Variants in PTPRM observed in about 807,000 individuals in gnomAD.
The protein encoded by PTPRM is protein tyrosine phosphatase receptor type M, also known as receptor-type tyrosine-protein phosphatase mu.
A neutral mutation model predicts 186.7 loss-of-function variants in PTPRM; 47 were observed. The observed-to-expected ratio is 0.25, with a 90% confidence interval of 0.20 to 0.32. PTPRM has a LOEUF of 0.32. Among genes scored for constraint, PTPRM ranks in the 10% least tolerant of loss-of-function variants. The pLI, the probability that PTPRM is intolerant of heterozygous loss-of-function variation, is 1.00. For synonymous variants in PTPRM, 668 were observed against 674.9 expected (o/e 0.99, Z 0.16); for missense variants, 1,494 against 1,865.0 (o/e 0.80, Z 3.66).
chr18:8,285,837 C>G (rs1601633307), intron 19 of PTPRM, among the ~76,000 whole-genome samples: 1 of 152,048 alleles, frequency 6.6e-6, no homozygotes, highest in Non-Finnish European at 1.5e-5. Context: ...ATAAAAAATA[C>G]AAAAATTAGC....
At chr18:7,884,521 T>A (rs1488539713) in intron 2 of PTPRM, among the ~76,000 whole-genome samples, 1 of 152,158 alleles carries the variant, frequency 6.6e-6, no homozygotes, top group Non-Finnish European at 1.5e-5. Flanking sequence ...CCCAAGGACC[T>A]GAACCCCTGC....
At chr18:8,311,534 C>G in intron 20 of PTPRM, among the ~76,000 whole-genome samples, 1 of 152,016 alleles carries the variant, frequency 6.6e-6, no homozygotes, top group East Asian at 1.9e-4. Flanking sequence ...GAAAGGTACT[C>G]TTAGGGATGT....
chr18:7,774,083 A>G (rs1235923918), intron 1 of PTPRM, 66 bp from the exon 2 acceptor site: 20 of 1,489,214 alleles, frequency 1.3e-5, no homozygotes, highest in Non-Finnish European at 1.8e-5. Flanking sequence ...GCTTCCTGCA[A>G]TCATCATAGC....
chr18:7,868,617 A>G (rs957194002), intron 2 of PTPRM, among the ~76,000 whole-genome samples: 1 of 152,036 alleles, frequency 6.6e-6, no homozygotes, highest in African/African-American at 2.4e-5. Context: ...GAGCTCTCCT[A>G]TGTGAGGTGT....
chr18:8,297,324 GT>G (rs1332785024), intron 20 of PTPRM, among the ~76,000 whole-genome samples: 1 of 152,212 alleles, frequency 6.6e-6, no homozygotes, highest in African/African-American at 2.4e-5. Flanking sequence ...AACTTGGGAG[GT>G]TTGGTTATTC....
At chr18:8,367,363 G>T (rs1369356861) in intron 23 of PTPRM, among the ~76,000 whole-genome samples, 1 of 152,252 alleles carries the variant, frequency 6.6e-6, no homozygotes, top group Non-Finnish European at 1.5e-5. Context: ...ACGCATTCTA[G>T]AAGGAAGCGG....
At chr18:7,748,030 T>C (rs1243197079) in intron 1 of PTPRM, among the ~76,000 whole-genome samples, 3 of 152,206 alleles carry the variant, frequency 2.0e-5, no homozygotes, top group Non-Finnish European at 2.9e-5. Flanking sequence ...ACTGCCTTCT[T>C]CTACAGGAAG....
intron 1 of PTPRM, among the ~76,000 whole-genome samples, chr18:7,700,993 A>AAAAAAAAAAAAAAAAAAAG (rs10653685): frequency 1.7e-4 from 18 of 107,310 alleles, no homozygotes; most frequent in East Asian, 1.3e-3. Context: ...AAAAAAAAAA[A>AAAAAAAAAAAAAAAAAAAG]AAAGAAAGAA....
chr18:8,056,287 G>A (rs2087930196), intron 7 of PTPRM, among the ~76,000 whole-genome samples: 1 of 152,140 alleles, frequency 6.6e-6, no homozygotes, highest in Non-Finnish European at 1.5e-5. Context: ...TCTATGTATT[G>A]TAAATCTCTA....
intron 23 of PTPRM, among the ~76,000 whole-genome samples, chr18:8,364,227 T>TA (rs2095613962): frequency 6.6e-6 from 1 of 152,164 alleles, no homozygotes; most frequent in South Asian, 2.1e-4. Flanking sequence ...ATATATACTT[T>TA]AAAAAATCTC....
At chr18:8,304,864 T>A (rs1048903072) in intron 20 of PTPRM, among the ~76,000 whole-genome samples, 2 of 151,636 alleles carry the variant, frequency 1.3e-5, no homozygotes, top group Admixed American at 1.3e-4. Flanking sequence ...TGAGAATAGA[T>A]GTGTTATTCT....
intron 11 of PTPRM, among the ~76,000 whole-genome samples, chr18:8,096,723 G>A (rs1344628371): frequency 6.6e-6 from 1 of 152,304 alleles, no homozygotes; most frequent in Non-Finnish European, 1.5e-5. Context: ...ATTGATTTAG[G>A]GAGTTTAAGG....
At chr18:7,841,078 A>G (rs1008795791) in intron 2 of PTPRM, among the ~76,000 whole-genome samples, 5 of 152,172 alleles carry the variant, frequency 3.3e-5, no homozygotes, top group African/African-American at 1.2e-4. Flanking sequence ...TGAAAAGCAG[A>G]TCTCATACAA....
At chr18:7,902,199 GC>G (rs747045169) in intron 3 of PTPRM, among the ~76,000 whole-genome samples, 11 of 152,180 alleles carry the variant, frequency 7.2e-5, no homozygotes, top group South Asian at 4.1e-4. Context: ...CTCAGAGGGG[GC>G]AGGAAACATA....
At chr18:8,055,994 A>T (rs375684012) in intron 7 of PTPRM, among the ~76,000 whole-genome samples, 10 of 152,246 alleles carry the variant, frequency 6.6e-5, no homozygotes, top group African/African-American at 2.2e-4. Flanking sequence ...GACACACTAC[A>T]TCCTACGCAA....
At chr18:7,958,896 AC>A (rs1222268343) in intron 7 of PTPRM, among the ~76,000 whole-genome samples, 2 of 152,190 alleles carry the variant, frequency 1.3e-5, no homozygotes, top group Non-Finnish European at 2.9e-5. Context: ...CTAAAACATC[AC>A]TTCAGTTCTT....
intron 8 of PTPRM, 116 bp downstream of exon 8, chr18:8,070,110 A>G (rs1459429653): frequency 1.1e-6 from 1 of 899,650 alleles, no homozygotes; most frequent in Non-Finnish European, 1.7e-6. Flanking sequence ...GTTGAACAAC[A>G]CAAATGTGTA....
chr18:8,378,561 C>A, intron 27 of PTPRM, 147 bp downstream of exon 27: 1 of 983,122 alleles, frequency 1.0e-6, no homozygotes, highest in East Asian at 2.6e-5. Context: ...ACCCAGAGCT[C>A]TACCCAGGAG....
intron 1 of PTPRM, among the ~76,000 whole-genome samples, chr18:7,577,317 G>T (rs2036713558): frequency 6.6e-6 from 1 of 152,090 alleles, no homozygotes; most frequent in African/African-American, 2.4e-5. Flanking sequence ...CTATAAAGTA[G>T]CATTTTGATA....
Sources: allele counts gnomAD v4.1 joint callset (sites outside exome capture counted in the v4.1 genomes callset), GRCh38; gene constraint gnomAD v4.1.1; transcripts MANE v1.5; gene names NCBI Gene and HGNC (gene_info 2026-07-23, HGNC 2026-07-21).